Variants in FYB2 observed in about 807,000 individuals in gnomAD.
FYB2 encodes FYN binding protein 2.
Under a neutral mutation model 94.1 loss-of-function variants are expected in FYB2, and 103 were observed. The observed-to-expected ratio is 1.09, with a 90% CI of 0.93 to 1.29. FYB2 has a LOEUF of 1.29. Among genes scored for constraint, FYB2 ranks in the 50% most tolerant of loss-of-function variants. The pLI is 0.00. For synonymous variants in FYB2, 293 were observed against 287.9 expected, an observed-to-expected ratio of 1.02 and a Z score of -0.18; for missense variants, 896 against 841.5, an observed-to-expected ratio of 1.06 and a Z score of -0.80.
At chr1:56,744,987 T>C (rs542005944) in intron 9 of FYB2, among the ~76,000 whole-genome samples, 2 of 152,138 alleles carry the variant, frequency 1.3e-5, no homozygotes, top group Admixed American at 6.6e-5. Context: ...TTAACTGGTA[T>C]CTATTAATTA....
At chr1:56,789,840 A>G (rs1433327091) in intron 2 of FYB2, among the ~76,000 whole-genome samples, 2 of 152,192 alleles carry the variant, frequency 1.3e-5, no homozygotes, top group Non-Finnish European at 2.9e-5. Context: ...ATTTACTGAA[A>G]GTGTTCTTCA....
chr1:56,720,548 A>C (rs1474722171), intron 17 of FYB2: 1 of 366,618 alleles, frequency 2.7e-6, no homozygotes, highest in African/African-American at 2.1e-5. Context: ...TTTGTTTGGT[A>C]TGATTATACT....
chr1:56,757,778 T>TTTTCTTTC (rs1645391239), intron 6 of FYB2, among the ~76,000 whole-genome samples: 1 of 146,624 alleles, frequency 6.8e-6, no homozygotes, highest in African/African-American at 2.5e-5. Context: ...TTTTTCTTTT[T>TTTTCTTTC]TTTTTGATAC....
At position 56,791,433 on chromosome 1, in the gene FYB2, T is replaced by A. The variant is rs182041738; in HGVS notation, c.757+623A>T. Among the ~76,000 whole-genome samples, 9 of 152,218 alleles carry A rather than the reference T, an allele frequency of 5.9e-5. No individual in the cohort carries two copies. In the East Asian group the frequency reaches 1.7e-3, roughly 29 times the overall value. On this transcript the variant is annotated intron_variant, in intron 2 of 19. Coordinates refer to ENST00000343433, the MANE Select transcript of FYB2 (RefSeq NM_001004303.5). ...ACCATGTCCAGCTAATTTTTGTATT[T>A]TTAATAGAGATGGGGTTTTGCCATA...
intron 15 of FYB2, among the ~76,000 whole-genome samples, chr1:56,736,454 C>T (rs1384612827): frequency 3.8e-4 from 49 of 128,678 alleles, no homozygotes; most frequent in African/African-American, 1.6e-3. Context: ...GGAACAGAGC[C>T]TGTCTCCATT....
intron 4 of FYB2, among the ~76,000 whole-genome samples, chr1:56,773,983 C>T (rs912574368): frequency 6.6e-6 from 1 of 152,040 alleles, no homozygotes; most frequent in Non-Finnish European, 1.5e-5. Flanking sequence ...AGCCCTTCAC[C>T]CTAAGAAATC....
At chr1:56,756,114 A>G in intron 6 of FYB2, among the ~76,000 whole-genome samples, 187 bp from the exon 7 acceptor site, 1 of 152,122 alleles carries the variant, frequency 6.6e-6, no homozygotes, top group Non-Finnish European at 1.5e-5. Flanking sequence ...TCAATCAGAA[A>G]TGAAAACAAG....
At chr1:56,719,806 A>G in intron 19 of FYB2, 114 bp from the exon 20 acceptor site, 24 of 1,141,332 alleles carry the variant, frequency 2.1e-5, no homozygotes, top group Non-Finnish European at 3.0e-5. Flanking sequence ...TTCTTTTAAA[A>G]TGTTTATAAA....
rs1646152116 is a variant in FYB2 at position 56,787,219 on chromosome 1, A to T, written c.920-11T>A. On this transcript the variant is annotated splice_polypyrimidine_tract_variant and intron_variant, in intron 3 of 19. Coordinates refer to ENST00000343433, the MANE Select transcript of FYB2 (RefSeq NM_001004303.5). ...CCTCTTCCACAGTCACTGCAAGAGAAAGAGGCGGAATGAAAAAGAGGCATT... is the reference window on the plus strand; with the variant it reads ...CCTCTTCCACAGTCACTGCAAGAGATAGAGGCGGAATGAAAAAGAGGCATT... 1.9e-6 allele frequency: 3 copies of T among 1,613,874 alleles called. No individual in the cohort carries two copies. Among genetic ancestry groups the T allele is most frequent in the Non-Finnish European group, 8.5e-7 (1 of 1,179,832 alleles).
At chr1:56,751,267 C>T in intron 8 of FYB2, 64 bp from the exon 9 acceptor site, 1 of 1,470,506 alleles carries the variant, frequency 6.8e-7, no homozygotes, top group South Asian at 1.3e-5. Flanking sequence ...TCTTTGCTTA[C>T]TTGTACAGTT....
At chr1:56,786,022 G>C (rs902414518) in intron 4 of FYB2, among the ~76,000 whole-genome samples, 1 of 152,164 alleles carries the variant, frequency 6.6e-6, no homozygotes, top group Non-Finnish European at 1.5e-5. Context: ...TGTTAGCAGC[G>C]ACTGTAGGAG....
At chr1:56,789,233 T>C (rs935625469) in intron 2 of FYB2, 99 bp from the exon 3 acceptor site, 10 of 1,340,620 alleles carry the variant, frequency 7.5e-6, no homozygotes, top group East Asian at 2.5e-5. Context: ...TCCCGTCCAA[T>C]CTATTCTCCA....
At chr1:56,725,043 T>G (rs1036810999) in intron 16 of FYB2, among the ~76,000 whole-genome samples, 1 of 152,042 alleles carries the variant, frequency 6.6e-6, no homozygotes, top group South Asian at 2.1e-4. Context: ...TTTATAGCCA[T>G]GTGATGTCTG....
intron 4 of FYB2, 48 bp from the exon 5 acceptor site, chr1:56,767,986 T>C (rs775667576): frequency 1.4e-6 from 2 of 1,393,790 alleles, no homozygotes; most frequent in Non-Finnish European, 2.0e-6. Context: ...AAAAACATAT[T>C]TTGAAAGCTT....
intron 2 of FYB2, 22 bp from the exon 3 acceptor site, chr1:56,789,156 A>G (rs764178135): frequency 1.3e-6 from 2 of 1,534,920 alleles, no homozygotes; most frequent in Non-Finnish European, 1.7e-6. Flanking sequence ...ACAGTAAAAA[A>G]TGTAAGTTAT....
chr1:56,809,024 T>G (rs1646706839), intron 1 of FYB2, among the ~76,000 whole-genome samples: 1 of 152,204 alleles, frequency 6.6e-6, no homozygotes, highest in South Asian at 2.1e-4. Context: ...GATATAAATA[T>G]AGCATACAAT....
intron 16 of FYB2, among the ~76,000 whole-genome samples, chr1:56,724,804 C>T (rs753260512): frequency 3.3e-5 from 5 of 151,944 alleles, no homozygotes; most frequent in Admixed American, 1.3e-4. Flanking sequence ...ACATGGGATA[C>T]TGCTATGGTT....
chr1:56,750,654 G>A (rs2040007), intron 9 of FYB2, among the ~76,000 whole-genome samples: 13,961 of 151,956 alleles, frequency 0.092, 819 homozygotes, highest in East Asian at 0.23. Flanking sequence ...TGTGAGCCTA[G>A]ACAACAGGAG....
intron 1 of FYB2, among the ~76,000 whole-genome samples, chr1:56,814,642 CCTT>C (rs1351461000): frequency 6.6e-6 from 1 of 152,110 alleles, no homozygotes; most frequent in Non-Finnish European, 1.5e-5. Context: ...TTCCTTTTCT[CCTT>C]CTCAGAAATT....
Sources: allele counts gnomAD v4.1 joint callset (sites outside exome capture counted in the v4.1 genomes callset), GRCh38; gene constraint gnomAD v4.1.1; transcripts MANE v1.5; gene names NCBI Gene and HGNC (gene_info 2026-07-23, HGNC 2026-07-21).